Variants in EIF2AK4 observed in about 807,000 individuals in gnomAD.
The protein encoded by EIF2AK4 is eukaryotic translation initiation factor 2 alpha kinase 4.
A neutral mutation model predicts 211.1 loss-of-function variants in EIF2AK4; 139 were observed. The observed-to-expected ratio is 0.66, with a 90% CI of 0.57 to 0.76. EIF2AK4 has a LOEUF of 0.76. EIF2AK4 is among the 30% of genes least tolerant of loss of function. The pLI, the probability that EIF2AK4 is intolerant of heterozygous loss-of-function variation, is 0.00. For synonymous variants in EIF2AK4, 710 were observed against 751.3 expected (o/e 0.94, Z 0.90); for missense variants, 1,664 against 2,043.8 (o/e 0.81, Z 3.58).
In EIF2AK4 at chr15:40,017,160, T is replaced by C. The variant is rs1389195199; in HGVS notation, c.3983T>C (p.Ile1328Thr). The change falls in exon 29 of 39, where the codon ATC becomes ACC. Residue 1328 changes from isoleucine to threonine, a missense_variant. Physicochemically the swap from Ile to Thr is moderately conservative, Grantham distance 89. This residue lies in a region of EIF2AK4 where 622 missense variants were observed against 796.8 expected (regional missense o/e 0.78). Transcript: ENST00000263791. ...VYKVQQHNGI[I>T]FQFVAFIKRR... ...AAGGTGCAGCAGCACAATGGAATCA[T>C]CTTCCAGTTTGTGGCTTTCATCAAA... 2 of 1,613,990 alleles carry C rather than the reference T, an allele frequency of 1.2e-6. No homozygotes were observed. The highest frequency in any genetic ancestry group is 2.7e-5 in the African/African-American group (2 of 74,948).
At chr15:40,014,629 C>T (rs1447224711) in intron 27 of EIF2AK4, among the ~76,000 whole-genome samples, 1 of 152,248 alleles carries the variant, frequency 6.6e-6, no homozygotes, top group Non-Finnish European at 1.5e-5. Context: ...GCCTCCAGGC[C>T]TGTGATGGGA....
At chr15:40,003,804 G>A (rs914487584) in intron 23 of EIF2AK4, among the ~76,000 whole-genome samples, 2 of 152,210 alleles carry the variant, frequency 1.3e-5, no homozygotes, top group African/African-American at 2.4e-5. Context: ...GACAGCAGCA[G>A]TCTTAACTAG....
chr15:39,977,113 C>T, intron 12 of EIF2AK4: 1 of 384,472 alleles, frequency 2.6e-6, no homozygotes, highest in Non-Finnish European at 4.6e-6. Context: ...TTTAGAAATC[C>T]AGACGTGTTG....
intron 35 of EIF2AK4, among the ~76,000 whole-genome samples, chr15:40,031,723 C>G (rs1414236218): frequency 6.6e-6 from 1 of 150,550 alleles, no homozygotes; most frequent in Non-Finnish European, 1.5e-5. Flanking sequence ...GGATTAAGAG[C>G]AAATCTTCTT....
chr15:39,949,024 A>C (rs1595543566), intron 3 of EIF2AK4, 92 bp from the exon 4 acceptor site: 444 of 1,476,668 alleles, frequency 3.0e-4, no homozygotes, highest in Non-Finnish European at 3.9e-4. Context: ...TGGGCCTCTG[A>C]CCGCCAGTTT....
chr15:39,994,440 C>T (rs1355737086), intron 18 of EIF2AK4, among the ~76,000 whole-genome samples: 1 of 151,992 alleles, frequency 6.6e-6, no homozygotes, highest in Admixed American at 6.6e-5. Context: ...AGACCTCATC[C>T]CTACTAAACA....
chr15:40,019,476 C>T (rs533561508), intron 30 of EIF2AK4, among the ~76,000 whole-genome samples: 5 of 152,242 alleles, frequency 3.3e-5, no homozygotes, highest in Non-Finnish European at 5.9e-5. Flanking sequence ...TGTTACGAAC[C>T]GGGCCGCACA....
In EIF2AK4 at chr15:39,992,247, T is replaced by C; in HGVS notation, c.2686+18T>C. The C allele has an allele frequency of 6.3e-7, 1 of 1,592,820 alleles. No homozygotes were observed. The highest frequency in any genetic ancestry group is 8.6e-7 in the Non-Finnish European group (1 of 1,168,254). On this transcript the variant is annotated intron_variant, in intron 17 of 38. Transcript: ENST00000263791. ...CCCTTCAGGTAAACCCAGAAGACTA[T>C]ATATTTCATCCATGTGTTAAAGACC... is the stretch of plus-strand genomic sequence containing the variant.
intron 7 of EIF2AK4, among the ~76,000 whole-genome samples, chr15:39,962,361 CAA>C (rs796601934): frequency 6.6e-6 from 1 of 152,086 alleles, no homozygotes; most frequent in African/African-American, 2.4e-5. Context: ...CTTATTGAAA[CAA>C]AAAAATGATT....
At chr15:39,945,958 A>G (rs960308411) in intron 3 of EIF2AK4, among the ~76,000 whole-genome samples, 1 of 152,228 alleles carries the variant, frequency 6.6e-6, no homozygotes. Flanking sequence ...CTGCTCTGAA[A>G]AAAAAGATTC....
chr15:40,003,052 T>TCCC (rs1342611601), intron 22 of EIF2AK4, 141 bp from the exon 23 acceptor site: 1 of 1,274,780 alleles, frequency 7.8e-7, no homozygotes, highest in African/African-American at 1.5e-5. Context: ...TATTTATAAA[T>TCCC]TTAGAGAACT....
At chr15:39,993,160 C>T (rs2034973245) in intron 18 of EIF2AK4, among the ~76,000 whole-genome samples, 1 of 151,316 alleles carries the variant, frequency 6.6e-6, no homozygotes, top group Admixed American at 6.6e-5. Context: ...GTCCATCCAC[C>T]CGTCCATCCA....
chr15:40,016,793 C>G (rs1362177930), intron 28 of EIF2AK4, 121 bp downstream of exon 28: 1 of 1,316,182 alleles, frequency 7.6e-7, no homozygotes, highest in South Asian at 1.5e-5. Context: ...AAACTGCTTT[C>G]TGTGTTTTGG....
chr15:39,973,522 A>G, intron 10 of EIF2AK4, 70 bp from the exon 11 acceptor site: 2 of 1,452,584 alleles, frequency 1.4e-6, no homozygotes, highest in South Asian at 2.7e-5. Context: ...GGCTTCCATC[A>G]TTGTTGGCTA....
rs531416941 is a variant in EIF2AK4, at chr15:39,946,899, A to G, written c.361-2217A>G. ...AAAGTATTTTAAAATTAAGGTATAT[A>G]CATTGATTTCTACAGACATAATGCT... On this transcript the variant is annotated intron_variant, in intron 3 of 38. Transcript: ENST00000263791. 79 of 509,512 alleles carry G rather than the reference A, an allele frequency of 1.6e-4. 1 individual carries two copies. The highest frequency in any genetic ancestry group is 1.5e-3 in the South Asian group (57 of 38,076). 31.6% of individuals were successfully genotyped at this position (509,512 alleles called of 1,614,324 possible). A position where few individuals can be genotyped will look rare whatever the true frequency, so the allele number is the denominator to read the frequency against.
chr15:40,020,783 C>T lies in EIF2AK4; in HGVS notation c.4174-116C>T, dbSNP rs1442685154. Reference sequence around the variant, plus strand: ...GTCTTTGGCACGCTGTGTTTCTATGCAGGATTTCAAGAATGCCCATCTTCC... The same window carrying T: ...GTCTTTGGCACGCTGTGTTTCTATGTAGGATTTCAAGAATGCCCATCTTCC... On this transcript the variant is annotated intron_variant, in intron 30 of 38. Coordinates refer to ENST00000263791, the MANE Select transcript of EIF2AK4 (RefSeq NM_001013703.4). 6 of 850,314 alleles carry T rather than the reference C, an allele frequency of 7.1e-6. No homozygotes were observed. In the African/African-American group the frequency reaches 1.1e-4, roughly 15 times the overall value. 52.7% of individuals were successfully genotyped at this position (850,314 alleles called of 1,614,324 possible).
At chr15:39,937,205 A>T (rs1696045624) in intron 1 of EIF2AK4, among the ~76,000 whole-genome samples, 2 of 152,214 alleles carry the variant, frequency 1.3e-5, no homozygotes, top group Non-Finnish European at 1.5e-5. Flanking sequence ...CCTCCAAAAA[A>T]CTTGCTTCAA....
intron 8 of EIF2AK4, 129 bp downstream of exon 8, chr15:39,965,972 A>G: frequency 7.8e-7 from 1 of 1,277,388 alleles, no homozygotes; most frequent in Non-Finnish European, 1.1e-6. Flanking sequence ...CTGTTTGACC[A>G]GGGAGGACAG....
intron 6 of EIF2AK4, among the ~76,000 whole-genome samples, chr15:39,961,072 T>A (rs2034465179): frequency 6.6e-6 from 1 of 152,176 alleles, no homozygotes; most frequent in Non-Finnish European, 1.5e-5. Flanking sequence ...GTTTTTGCAT[T>A]ATGATCTAGT....
Sources: allele counts gnomAD v4.1 joint callset (sites outside exome capture counted in the v4.1 genomes callset), GRCh38; gene constraint gnomAD v4.1.1; regional missense constraint gnomAD v4.1.1; transcripts MANE v1.5; gene names NCBI Gene and HGNC (gene_info 2026-07-23, HGNC 2026-07-21).